Variants in CUX1 observed in about 807,000 individuals in gnomAD.
CUX1 encodes protein CASP.
A neutral mutation model predicts 158.8 loss-of-function variants in CUX1; 31 were observed. That is an observed-to-expected ratio of 0.20 (90% CI 0.15 to 0.26). CUX1 has a LOEUF of 0.26. CUX1 is among the 10% of genes least tolerant of loss of function. CUX1 has a pLI of 1.00. For missense variants in CUX1, 1,589 were observed against 2,014.6 expected, an observed-to-expected ratio of 0.79 and a Z score of 4.04; for synonymous variants, 879 against 862.1, an observed-to-expected ratio of 1.02 and a Z score of -0.34.
At position 102,281,930 on chromosome 7, in the gene CUX1, C is replaced by A. The variant is rs782209472; in HGVS notation, c.1902+10C>A. 8 of 1,594,668 alleles carry A rather than the reference C, an allele frequency of 5.0e-6. No individual in the cohort carries two copies. In the East Asian group the frequency reaches 1.8e-4, roughly 36 times the overall value. ...CTGCCTGGTCTTCCTGGTGAGTGTGCACACGGGCGGGCCAGAGGCACATTC... is the reference window on the plus strand; with the variant it reads ...CTGCCTGGTCTTCCTGGTGAGTGTGAACACGGGCGGGCCAGAGGCACATTC... On this transcript the variant is annotated intron_variant, in intron 21 of 22. Transcript: ENST00000292538.
intron 8 of CUX1, among the ~76,000 whole-genome samples, chr7:102,129,276 A>C (rs1413407790): frequency 6.6e-6 from 1 of 152,152 alleles, no homozygotes; most frequent in Non-Finnish European, 1.5e-5. Flanking sequence ...AGGGACCCTA[A>C]ATTTTAAAAT....
intron 1 of CUX1, among the ~76,000 whole-genome samples, chr7:101,892,244 T>C (rs549190111): frequency 1.3e-5 from 2 of 152,352 alleles, no homozygotes; most frequent in East Asian, 3.9e-4. Flanking sequence ...TCGTTCCTTT[T>C]TCTCCCATTT....
intron 9 of CUX1, among the ~76,000 whole-genome samples, chr7:102,161,754 G>A (rs1204234902): frequency 1.3e-5 from 2 of 152,118 alleles, no homozygotes; most frequent in Non-Finnish European, 2.9e-5. Flanking sequence ...GGGATTATAG[G>A]CGCCCACCAT....
intron 14 of CUX1, among the ~76,000 whole-genome samples, chr7:102,272,520 TG>T (rs1461870357): frequency 6.6e-6 from 1 of 152,234 alleles, no homozygotes; most frequent in East Asian, 1.9e-4. Flanking sequence ...CCATGTTACA[TG>T]TCACCATTTG....
At chr7:101,954,741 A>T (rs1395424613) in intron 2 of CUX1, among the ~76,000 whole-genome samples, 1 of 152,224 alleles carries the variant, frequency 6.6e-6, no homozygotes, top group Non-Finnish European at 1.5e-5. Flanking sequence ...CTCTGGTCAC[A>T]CAGCTGCTCG....
At chr7:102,219,758 T>C (rs1199248761) in intron 20 of CUX1, among the ~76,000 whole-genome samples, 4 of 152,234 alleles carry the variant, frequency 2.6e-5, no homozygotes, top group Admixed American at 2.0e-4. Flanking sequence ...TGACATCTGC[T>C]AAAGTCGCTG....
intron 1 of CUX1, among the ~76,000 whole-genome samples, chr7:101,856,954 C>T (rs1201239834): frequency 1.3e-5 from 2 of 152,240 alleles, no homozygotes; most frequent in African/African-American, 4.8e-5. Context: ...CGCCTCTGCT[C>T]AAGCTGTGCC....
intron 8 of CUX1, among the ~76,000 whole-genome samples, chr7:102,116,900 A>G (rs1407167954): frequency 6.6e-6 from 1 of 152,164 alleles, no homozygotes; most frequent in African/African-American, 2.4e-5. Flanking sequence ...TAATAGATTC[A>G]TTCATTGATT....
At chr7:102,234,863 C>T (rs1799382305) in intron 22 of CUX1, among the ~76,000 whole-genome samples, 1 of 151,660 alleles carries the variant, frequency 6.6e-6, no homozygotes, top group Non-Finnish European at 1.5e-5. Flanking sequence ...ACCCTGCAGG[C>T]GGTGAACAGA....
chr7:102,109,559 G>A (rs1008693555), intron 6 of CUX1, among the ~76,000 whole-genome samples: 2 of 152,024 alleles, frequency 1.3e-5, no homozygotes, highest in Non-Finnish European at 2.9e-5. Flanking sequence ...TAAGGCAGGC[G>A]GATCACTTGA....
At chr7:102,193,116 T>C (rs1267025317) in intron 12 of CUX1, among the ~76,000 whole-genome samples, 1 of 152,186 alleles carries the variant, frequency 6.6e-6, no homozygotes, top group East Asian at 1.9e-4. Context: ...GTCTAGGAGG[T>C]TGCTCTTTGC....
intron 1 of CUX1, among the ~76,000 whole-genome samples, chr7:101,915,156 G>T (rs978063179): frequency 6.6e-6 from 1 of 152,146 alleles, no homozygotes; most frequent in Admixed American, 6.5e-5. Flanking sequence ...AAAGCGACTC[G>T]GCAGGAAAAC....
chr7:102,169,919 G>C (rs957022427), intron 9 of CUX1, among the ~76,000 whole-genome samples: 1 of 152,188 alleles, frequency 6.6e-6, no homozygotes, highest in Admixed American at 6.5e-5. Context: ...TAAATATGTT[G>C]AAATAAGCCC....
At chr7:102,004,770 G>A (rs1817123478) in intron 2 of CUX1, among the ~76,000 whole-genome samples, 1 of 152,020 alleles carries the variant, frequency 6.6e-6, no homozygotes, top group Non-Finnish European at 1.5e-5. Context: ...CCACACACCT[G>A]GACAGGTACA....
intron 17 of CUX1, among the ~76,000 whole-genome samples, chr7:102,277,747 G>A (rs991394746): frequency 2.0e-5 from 3 of 152,140 alleles, no homozygotes; most frequent in African/African-American, 7.2e-5. Context: ...TTGCACCAAC[G>A]TGATACATAT....
At chr7:101,933,131 G>A (rs1415821386) in intron 2 of CUX1, among the ~76,000 whole-genome samples, 1 of 152,156 alleles carries the variant, frequency 6.6e-6, no homozygotes, top group African/African-American at 2.4e-5. Flanking sequence ...AACACATGTA[G>A]TGTTGAGGAA....
At chr7:101,838,410 G>A (rs182468899) in intron 1 of CUX1, among the ~76,000 whole-genome samples, 11 of 151,108 alleles carry the variant, frequency 7.3e-5, no homozygotes, top group African/African-American at 2.2e-4. Flanking sequence ...GATTACAGGC[G>A]TGAGCCACCT....
intron 2 of CUX1, among the ~76,000 whole-genome samples, chr7:101,949,962 G>A (rs535345065): frequency 3.9e-5 from 6 of 152,180 alleles, no homozygotes; most frequent in South Asian, 4.2e-4. Context: ...CATCACTCAC[G>A]GATGGGCTGA....
intron 8 of CUX1, chr7:102,115,604 A>T (rs1554491574): frequency 9.0e-6 from 2 of 223,090 alleles, no homozygotes; most frequent in African/African-American, 4.6e-5. Flanking sequence ...TCGCTGGGCC[A>T]CAGTTCTTCA....
Sources: allele counts gnomAD v4.1 joint callset (sites outside exome capture counted in the v4.1 genomes callset), GRCh38; gene constraint gnomAD v4.1.1; transcripts MANE v1.5; gene names NCBI Gene and HGNC (gene_info 2026-07-23, HGNC 2026-07-21).